PDE1C: variants seen among roughly 807,000 people sequenced by gnomAD.
The protein encoded by PDE1C is phosphodiesterase 1C, also known as dual specificity calcium/calmodulin-dependent 3',5'-cyclic nucleotide phosphodiesterase 1C.
Under a neutral mutation model 93.1 loss-of-function variants are expected in PDE1C, and 62 were observed. The observed-to-expected ratio is 0.67, with a 90% CI of 0.54 to 0.82. The LOEUF (loss-of-function observed/expected upper bound fraction) is 0.82. Ranked by LOEUF, PDE1C falls within the 40% of genes least tolerant of loss-of-function variation. The pLI is 0.00. For missense variants in PDE1C, 742 were observed against 884.6 expected (o/e 0.84, Z 2.04); for synonymous variants, 325 against 310.1 (o/e 1.05, Z -0.50).
intron 2 of PDE1C, among the ~76,000 whole-genome samples, chr7:32,206,635 C>T (rs1000207966): frequency 7.2e-5 from 11 of 152,182 alleles, no homozygotes; most frequent in African/African-American, 1.4e-4. Flanking sequence ...CTTGTGGCTA[C>T]GATGCGGTAC....
chr7:32,007,750 T>C (rs889230280), intron 2 of PDE1C, among the ~76,000 whole-genome samples: 2 of 152,212 alleles, frequency 1.3e-5, no homozygotes, highest in Admixed American at 1.3e-4. Flanking sequence ...TTATGCCTCA[T>C]TCTACCAGCA....
intron 1 of PDE1C, among the ~76,000 whole-genome samples, chr7:32,381,888 T>C (rs751960434): frequency 7.2e-5 from 11 of 152,184 alleles, no homozygotes; most frequent in Non-Finnish European, 8.8e-5. Context: ...TCCTGCCACA[T>C]TCCCAGAGCC....
intron 1 of PDE1C, among the ~76,000 whole-genome samples, chr7:32,336,625 T>A (rs1402779214): frequency 6.6e-6 from 1 of 152,092 alleles, no homozygotes; most frequent in Non-Finnish European, 1.5e-5. Context: ...CTAAATAACA[T>A]AGAACAAGTT....
At chr7:31,680,252 G>A in the PDE1C span, among the ~76,000 whole-genome samples, 4 of 152,288 alleles carry the variant, frequency 2.6e-5, no homozygotes, top group African/African-American at 4.8e-5. Flanking sequence ...CCAGCTTTGA[G>A]AACATGATAC....
At chr7:31,763,843 T>C (rs1006968568) in intron 17 of PDE1C, among the ~76,000 whole-genome samples, 2 of 152,118 alleles carry the variant, frequency 1.3e-5, no homozygotes, top group Non-Finnish European at 2.9e-5. Flanking sequence ...TTTTATTACA[T>C]GAAAGATCTC....
chr7:32,184,688 A>G (rs911299994), intron 2 of PDE1C, among the ~76,000 whole-genome samples: 4 of 152,348 alleles, frequency 2.6e-5, no homozygotes, highest in African/African-American at 9.6e-5. Flanking sequence ...TAGGAGATAT[A>G]CCTAATGTTA....
intron 1 of PDE1C, among the ~76,000 whole-genome samples, chr7:32,368,254 A>G (rs1022326626): frequency 6.6e-6 from 1 of 152,172 alleles, no homozygotes; most frequent in African/African-American, 2.4e-5. Flanking sequence ...ACTCTGCAAA[A>G]AAAAGACTCT....
rs146089150 is a variant in PDE1C at position 31,767,211 on chromosome 7, T to C, written c.1960+8453A>G. On this transcript the variant is annotated intron_variant, in intron 17 of 17. Coordinates refer to ENST00000396191, the MANE Select transcript of PDE1C (RefSeq NM_001191057.4). ...CCTTCTATTAAGTTGATACATTCTC[T>C]TCGTTTATTGTTGTTCATTTGTTGA... Among the ~76,000 whole-genome samples, 10 of 152,338 alleles carry C rather than the reference T, an allele frequency of 6.6e-5. No individual in the cohort carries two copies. The East Asian group carries it at 1.2e-3, about 18-fold the overall frequency.
intron 3 of PDE1C, among the ~76,000 whole-genome samples, chr7:32,136,530 AGT>A (rs60806024): frequency 0.2 from 30,743 of 152,034 alleles, 3,742 homozygotes; most frequent in Middle Eastern, 0.3. Flanking sequence ...CTGTGCCCAG[AGT>A]GTCTAGCACA....
intron 9 of PDE1C, 138 bp downstream of exon 9, chr7:31,847,824 GGTGAGA>G (rs200188922): frequency 0.025 from 19,918 of 811,130 alleles, 331 homozygotes; most frequent in South Asian, 0.048. Context: ...ACAAAGAGAG[GGTGAGA>G]GTGAGAGAAA....
chr7:31,641,565 A>C, the PDE1C span, among the ~76,000 whole-genome samples: 1 of 152,218 alleles, frequency 6.6e-6, no homozygotes, highest in Non-Finnish European at 1.5e-5. Context: ...ATATTTACGT[A>C]AGAATCTACA....
chr7:32,385,294 A>G (rs1784601171), intron 1 of PDE1C, among the ~76,000 whole-genome samples: 2 of 152,232 alleles, frequency 1.3e-5, no homozygotes, highest in South Asian at 4.1e-4. Context: ...TTCAGAAGAG[A>G]GTTCTATATT....
intron 3 of PDE1C, among the ~76,000 whole-genome samples, chr7:32,082,051 G>C (rs1422721494): frequency 2.0e-5 from 3 of 152,252 alleles, no homozygotes; most frequent in Admixed American, 6.5e-5. Flanking sequence ...AGCCAAAGCA[G>C]GGCGAGGCAT....
chr7:31,622,619 G>A, the PDE1C span, among the ~76,000 whole-genome samples: 1 of 151,712 alleles, frequency 6.6e-6, no homozygotes, highest in South Asian at 2.1e-4. Context: ...TGTGTAGAGG[G>A]AAATTTATAG....
intron 2 of PDE1C, among the ~76,000 whole-genome samples, chr7:31,930,855 A>T (rs1804120959): frequency 1.4e-5 from 2 of 146,304 alleles, no homozygotes. Flanking sequence ...TCTCAAAAAA[A>T]AAAAAAAAAA....
chr7:31,835,232 G>T (rs1332439071), intron 11 of PDE1C, among the ~76,000 whole-genome samples: 1 of 152,152 alleles, frequency 6.6e-6, no homozygotes, highest in Non-Finnish European at 1.5e-5. Flanking sequence ...GACTAGTACA[G>T]GGTGATATTG....
Position 31,775,735 on chromosome 7 carries a change from G to A in PDE1C, c.1892-3C>T, listed in dbSNP as rs1254111905. ...GCCGTGAGAACGCTGTTTTGTGCCT[G>A]TGAAGAGGAAAAAGAGGATAAGGAA... On this transcript the variant is annotated splice_polypyrimidine_tract_variant and splice_region_variant and intron_variant, in intron 16 of 17. Coordinates refer to ENST00000396191, the MANE Select transcript of PDE1C (RefSeq NM_001191057.4). 3.1e-6 allele frequency: 5 copies of A among 1,612,088 alleles called. No individual in the cohort carries two copies. Among genetic ancestry groups the A allele is most frequent in the Non-Finnish European group, 4.2e-6 (5 of 1,179,310 alleles).
At chr7:32,179,774 TC>T (rs2128811201) in intron 2 of PDE1C, among the ~76,000 whole-genome samples, 1 of 152,254 alleles carries the variant, frequency 6.6e-6, no homozygotes, top group Non-Finnish European at 1.5e-5. Context: ...GATGTGGTAA[TC>T]CCATTTAAAT....
rs116187262 is a variant in PDE1C, at chr7:32,096,306, G to T, written c.308+73479C>A. ...CCAAAGCCGGGGAGAGGAAGAACTAGTGCGTTTTGGAAAATGTTTCTTAAA... is the reference window on the plus strand; with the variant it reads ...CCAAAGCCGGGGAGAGGAAGAACTATTGCGTTTTGGAAAATGTTTCTTAAA... On this transcript the variant is annotated intron_variant, in intron 3 of 18. Transcript: ENST00000396193. Among the ~76,000 whole-genome samples, 296 of 152,306 alleles carry T rather than the reference G, an allele frequency of 1.9e-3. 5 individuals carry two copies. The highest frequency in any genetic ancestry group is 5.3e-4 in the Non-Finnish European group (36 of 68,032).
Sources: allele counts gnomAD v4.1 joint callset (sites outside exome capture counted in the v4.1 genomes callset), GRCh38; gene constraint gnomAD v4.1.1; transcripts MANE v1.5; gene names NCBI Gene and HGNC (gene_info 2026-07-23, HGNC 2026-07-21).